Variants in STAU2 observed in about 807,000 individuals in gnomAD.
STAU2 encodes double-stranded RNA-binding protein Staufen homolog 2.
STAU2 carries 20 observed loss-of-function variants against 65.9 expected under a neutral mutation model. The observed-to-expected ratio is 0.30, with a 90% CI of 0.21 to 0.44. The LOEUF (loss-of-function observed/expected upper bound fraction) is 0.44. STAU2 is among the 20% of genes least tolerant of loss of function. The pLI, the probability that STAU2 is intolerant of heterozygous loss-of-function variation, is 1.00. For synonymous variants in STAU2, 232 were observed against 233.9 expected, an observed-to-expected ratio of 0.99 and a Z score of 0.07; for missense variants, 558 against 683.9, an observed-to-expected ratio of 0.82 and a Z score of 2.05.
At chr8:73,522,940 G>A (rs1823117765) in intron 13 of STAU2, among the ~76,000 whole-genome samples, 1 of 152,082 alleles carries the variant, frequency 6.6e-6, no homozygotes, top group South Asian at 2.1e-4. Context: ...GCTCACACCT[G>A]TAATCCTAGC....
intron 6 of STAU2, among the ~76,000 whole-genome samples, chr8:73,664,165 C>G (rs941111040): frequency 5.3e-5 from 8 of 152,096 alleles, no homozygotes; most frequent in African/African-American, 1.9e-4. Flanking sequence ...AATCCTCCCA[C>G]CTCAGTCTCC....
intron 13 of STAU2, among the ~76,000 whole-genome samples, chr8:73,540,500 G>A (rs1257920629): frequency 1.3e-5 from 2 of 152,138 alleles, no homozygotes; most frequent in African/African-American, 4.8e-5. Context: ...GTGTTTTTAT[G>A]TAACCAATTA....
intron 4 of STAU2, among the ~76,000 whole-genome samples, chr8:73,698,776 A>G (rs1398542809): frequency 6.6e-6 from 1 of 152,170 alleles, no homozygotes; most frequent in Non-Finnish European, 1.5e-5. Context: ...AAGAAACATC[A>G]GAGTTATTCT....
At chr8:73,434,806 T>C (rs547434133) in intron 13 of STAU2, among the ~76,000 whole-genome samples, 2 of 152,038 alleles carry the variant, frequency 1.3e-5, no homozygotes, top group East Asian at 3.9e-4. Flanking sequence ...TTTTGTTCAT[T>C]CCTTCAGCCC....
At chr8:73,677,125 G>A (rs1344711467) in intron 5 of STAU2, among the ~76,000 whole-genome samples, 2 of 152,120 alleles carry the variant, frequency 1.3e-5, no homozygotes. Context: ...CATATGGAAA[G>A]ATGCTCACCT....
intron 3 of STAU2, among the ~76,000 whole-genome samples, chr8:73,713,116 G>A (rs932930975): frequency 7.9e-5 from 12 of 152,052 alleles, no homozygotes; most frequent in African/African-American, 2.2e-4. Context: ...TCACTGATAC[G>A]AAACTTGGTT....
intron 13 of STAU2, among the ~76,000 whole-genome samples, chr8:73,443,275 A>C (rs969575397): frequency 4.6e-5 from 7 of 152,250 alleles, no homozygotes; most frequent in Admixed American, 2.0e-4. Context: ...AAAGGCTAGA[A>C]GAATTTGCTG....
In STAU2 at chr8:73,421,314, C is replaced by T; in HGVS notation, c.*58G>A. 1 of 1,427,420 alleles carries T rather than the reference C, an allele frequency of 7.0e-7. No homozygotes were observed. Among genetic ancestry groups the T allele is most frequent in the Admixed American group, 2.0e-5 (1 of 50,820 alleles). The allele number at this position is 1,427,420 out of a possible 1,614,324, so 88.4% of individuals were successfully genotyped here. A position where few individuals can be genotyped will look rare whatever the true frequency, so the allele number is the denominator to read the frequency against. On this transcript the variant is annotated 3_prime_UTR_variant, in exon 15 of 15. Transcript: ENST00000524300. ...ATTCATTTCCCTGAACACAGACACCCTCATGCGTGCTGACAGGTTTATAAG... is the reference window on the plus strand; with the variant it reads ...ATTCATTTCCCTGAACACAGACACCTTCATGCGTGCTGACAGGTTTATAAG...
At chr8:73,497,457 T>TCAC (rs1821485136) in intron 13 of STAU2, among the ~76,000 whole-genome samples, 1 of 151,356 alleles carries the variant, frequency 6.6e-6, no homozygotes, top group South Asian at 2.1e-4. Context: ...ATAATAAATA[T>TCAC]TGCAATTCTT....
chr8:73,713,829 T>C (rs1264194022), intron 3 of STAU2, among the ~76,000 whole-genome samples: 1 of 152,198 alleles, frequency 6.6e-6, no homozygotes, highest in Admixed American at 6.5e-5. Context: ...GGTCACAGAC[T>C]ACCTCGCTTC....
At chr8:73,438,632 C>T (rs1016542469) in intron 13 of STAU2, among the ~76,000 whole-genome samples, 1 of 152,162 alleles carries the variant, frequency 6.6e-6, no homozygotes, top group Non-Finnish European at 1.5e-5. Flanking sequence ...CAAACGGATT[C>T]GGGCTCAAAA....
rs1353790557 is a variant in STAU2 at position 73,445,689 on chromosome 8, T to C, written c.1531-22987A>G. Reference sequence around the variant, plus strand: ...GGAAACAAACAATCCAATTAGAGAATGGGCAAAGGACATGAAGAGACATTT... The same window carrying C: ...GGAAACAAACAATCCAATTAGAGAACGGGCAAAGGACATGAAGAGACATTT... On this transcript the variant is annotated intron_variant, in intron 13 of 14. Coordinates refer to ENST00000524300, the MANE Select transcript of STAU2 (RefSeq NM_001164380.2). Among the ~76,000 whole-genome samples, 8 of 152,188 alleles carry C rather than the reference T, an allele frequency of 5.3e-5. No individual in the cohort carries two copies. In the East Asian group the frequency reaches 9.6e-4, roughly 18 times the overall value.
intron 13 of STAU2, among the ~76,000 whole-genome samples, chr8:73,444,223 A>G (rs926837828): frequency 3.3e-5 from 5 of 152,114 alleles, no homozygotes; most frequent in African/African-American, 9.7e-5. Context: ...CCTGACCAAC[A>G]TGGAGAAACC....
chr8:73,724,450 G>A (rs960218893), intron 3 of STAU2, among the ~76,000 whole-genome samples: 1 of 152,008 alleles, frequency 6.6e-6, no homozygotes, highest in Non-Finnish European at 1.5e-5. Context: ...AAAGTGATAT[G>A]CACTCAGTAG....
chr8:73,573,712 A>T (rs971889345), intron 12 of STAU2, among the ~76,000 whole-genome samples: 5 of 152,256 alleles, frequency 3.3e-5, no homozygotes, highest in Non-Finnish European at 7.3e-5. Flanking sequence ...TAGAAAGCTG[A>T]AACTGGATCC....
intron 3 of STAU2, among the ~76,000 whole-genome samples, chr8:73,728,325 T>A (rs1805796947): frequency 6.6e-6 from 1 of 152,208 alleles, no homozygotes; most frequent in Admixed American, 6.5e-5. Context: ...ACTATTTTGA[T>A]CATTGTAGCT....
intron 13 of STAU2, among the ~76,000 whole-genome samples, chr8:73,470,942 G>A (rs1819961381): frequency 6.6e-6 from 1 of 152,134 alleles, no homozygotes; most frequent in Non-Finnish European, 1.5e-5. Context: ...TAGAGATTGA[G>A]TTACTTTTTC....
chr8:73,630,484 T>C (rs1319219160), intron 6 of STAU2, among the ~76,000 whole-genome samples: 1 of 152,256 alleles, frequency 6.6e-6, no homozygotes, highest in Non-Finnish European at 1.5e-5. Context: ...CGGGTTATGA[T>C]GGTTTACTCC....
At chr8:73,661,502 G>C (rs1816831012) in intron 6 of STAU2, among the ~76,000 whole-genome samples, 1 of 152,136 alleles carries the variant, frequency 6.6e-6, no homozygotes, top group Non-Finnish European at 1.5e-5. Flanking sequence ...TAGGCTCAGA[G>C]TTTGATGAAT....
Sources: gnomAD v4.1 joint callset for allele counts (sites outside exome capture counted in the v4.1 genomes callset) on GRCh38, gnomAD v4.1.1 for gene constraint, MANE v1.5 for transcripts, NCBI Gene and HGNC (gene_info 2026-07-23, HGNC 2026-07-21) for gene names.